NEBL: variants seen among roughly 807,000 people sequenced by gnomAD.
NEBL encodes LIM and SH3 protein 2.
A neutral mutation model predicts 140.2 loss-of-function variants in NEBL; 122 were observed. That is an observed-to-expected ratio of 0.87 (90% CI 0.75 to 1.01). The LOEUF (loss-of-function observed/expected upper bound fraction) is 1.01. Ranked by LOEUF, NEBL falls within the 50% of genes least tolerant of loss-of-function variation. NEBL has a pLI of 0.00. For synonymous variants in NEBL, 436 were observed against 398.9 expected (o/e 1.09, Z -1.11); for missense variants, 1,365 against 1,231.3 (o/e 1.11, Z -1.62).
chr10:20,826,405 G>C, intron 18 of NEBL, 42 bp downstream of exon 18: 6 of 1,490,988 alleles, frequency 4.0e-6, no homozygotes, highest in Non-Finnish European at 5.6e-6. Flanking sequence ...TATAGTTTTG[G>C]TTTGCTTTTA....
intron 2 of NEBL, among the ~76,000 whole-genome samples, chr10:21,089,148 T>C (rs1375520969): frequency 6.6e-6 from 1 of 151,864 alleles, no homozygotes; most frequent in Non-Finnish European, 1.5e-5. Flanking sequence ...AAGAGGACAT[T>C]TGAGTTTTCT....
chr10:21,154,811 T>TTTTGAA (rs1840276129), intron 2 of NEBL, among the ~76,000 whole-genome samples: 1 of 152,192 alleles, frequency 6.6e-6, no homozygotes, highest in African/African-American at 2.4e-5. Context: ...CAGGGGTACT[T>TTTTGAA]TTTGAATTTT....
chr10:21,292,662 C>T (rs1843161040), intron 1 of NEBL, among the ~76,000 whole-genome samples: 1 of 152,086 alleles, frequency 6.6e-6, no homozygotes, highest in African/African-American at 2.4e-5. Flanking sequence ...CTCTATTTCA[C>T]TTAAAAGGAA....
At chr10:20,898,940 T>C (rs1205213880), upstream of NEBL, among the ~76,000 whole-genome samples, 3 of 152,204 alleles carry the variant, frequency 2.0e-5, no homozygotes, top group Non-Finnish European at 4.4e-5. Context: ...TGAACTAGTT[T>C]TTGATACAGG....
intron 2 of NEBL, among the ~76,000 whole-genome samples, chr10:21,158,884 A>T (rs1276970241): frequency 6.6e-6 from 1 of 152,194 alleles, no homozygotes; most frequent in Non-Finnish European, 1.5e-5. Context: ...GTTTATTATC[A>T]CAATTATCCT....
intron 26 of NEBL, among the ~76,000 whole-genome samples, chr10:20,794,714 C>A (rs1241117537): frequency 6.6e-6 from 1 of 152,168 alleles, no homozygotes; most frequent in Non-Finnish European, 1.5e-5. Context: ...AATACTGAAT[C>A]TGCACACAAT....
intron 22 of NEBL, among the ~76,000 whole-genome samples, chr10:20,814,877 A>G (rs776788931): frequency 1.7e-4 from 26 of 152,362 alleles, no homozygotes; most frequent in Non-Finnish European, 3.5e-4. Flanking sequence ...AAATACACAC[A>G]GCATCTCTGG....
At chr10:21,011,168 A>G (rs1158048880) in intron 3 of NEBL, among the ~76,000 whole-genome samples, 1 of 152,232 alleles carries the variant, frequency 6.6e-6, no homozygotes, top group African/African-American at 2.4e-5. Context: ...TATGCCCTGA[A>G]AAAGGTTAGG....
intron 2 of NEBL, among the ~76,000 whole-genome samples, chr10:21,166,565 A>G (rs1840788476): frequency 6.6e-6 from 1 of 152,096 alleles, no homozygotes; most frequent in Non-Finnish European, 1.5e-5. Flanking sequence ...GACGGACACT[A>G]CTGTTTCCTG....
At chr10:20,940,039 T>C (rs4311963) in intron 4 of NEBL, among the ~76,000 whole-genome samples, 73,989 of 148,644 alleles carry the variant, frequency 0.5, 19,511 homozygotes, top group Non-Finnish European at 0.58. Flanking sequence ...GACAGAAAGT[T>C]AACAAGGATA....
Position 20,861,180 on chromosome 10 carries a change from G to A in NEBL, c.685-1354C>T, listed in dbSNP as rs987444572. Among the ~76,000 whole-genome samples the A allele has an allele frequency of 1.3e-4, 20 of 152,036 alleles. No individual in the cohort carries two copies. The South Asian group carries it at 1.5e-3, about 11-fold the overall frequency. On this transcript the variant is annotated intron_variant, in intron 7 of 27. Transcript: ENST00000377122. ...AAGCAATGATTCACTCTGCCTGGTC[G>A]TCCCTTAAATATATAGTCTTAGAGT... is the stretch of plus-strand genomic sequence containing the variant.
chr10:21,166,921 T>C (rs1206157530), intron 2 of NEBL, among the ~76,000 whole-genome samples: 1 of 152,058 alleles, frequency 6.6e-6, no homozygotes, highest in South Asian at 2.1e-4. Flanking sequence ...ATAAGGAAAA[T>C]AGATGGTGGG....
At chr10:21,061,426 G>T (rs1835297306) in intron 2 of NEBL, among the ~76,000 whole-genome samples, 1 of 146,578 alleles carries the variant, frequency 6.8e-6, no homozygotes, top group Non-Finnish European at 1.5e-5. Flanking sequence ...ATCATATATT[G>T]CATGGTGTAT....
chr10:21,192,002 CT>C (rs1589323082), intron 3 of NEBL, among the ~76,000 whole-genome samples: 1 of 152,044 alleles, frequency 6.6e-6, no homozygotes, highest in East Asian at 1.9e-4. Flanking sequence ...ATTGATTGCT[CT>C]TCTCAAAGGG....
At chr10:20,818,847 A>G in intron 20 of NEBL, 1 of 990,576 alleles carries the variant, frequency 1.0e-6, no homozygotes, top group Non-Finnish European at 1.2e-6. Context: ...TCAACAAGGA[A>G]ATGTGAAAAG....
intron 4 of NEBL, among the ~76,000 whole-genome samples, chr10:20,915,419 C>T (rs1316197693): frequency 6.8e-6 from 1 of 146,496 alleles, no homozygotes; most frequent in East Asian, 2.0e-4. Flanking sequence ...CCCTACCCCA[C>T]AACAGTCCCC....
chr10:20,999,861 C>G (rs917032755), intron 3 of NEBL, among the ~76,000 whole-genome samples: 1 of 152,072 alleles, frequency 6.6e-6, no homozygotes, highest in Admixed American at 6.5e-5. Flanking sequence ...AATCTATACT[C>G]TAATTCAAAG....
chr10:21,242,905 A>G (rs1306563080), intron 3 of NEBL, among the ~76,000 whole-genome samples: 1 of 152,166 alleles, frequency 6.6e-6, no homozygotes, highest in Non-Finnish European at 1.5e-5. Flanking sequence ...AGAAGAACAG[A>G]AAGAAAAAAG....
At chr10:21,100,111 C>T (rs745409016) in intron 2 of NEBL, among the ~76,000 whole-genome samples, 7 of 152,158 alleles carry the variant, frequency 4.6e-5, no homozygotes, top group Non-Finnish European at 1.0e-4. Context: ...CAGTCAAAAA[C>T]TTCCATTTCC....
Sources: allele counts gnomAD v4.1 joint callset (sites outside exome capture counted in the v4.1 genomes callset), GRCh38; gene constraint gnomAD v4.1.1; transcripts MANE v1.5; gene names NCBI Gene and HGNC (gene_info 2026-07-23, HGNC 2026-07-21).